The following YWHAZ variants were observed in gnomAD, a reference collection of about 807,000 sequenced individuals.
YWHAZ encodes tyrosine 3-monooxygenase/tryptophan 5-monooxygenase activation protein zeta, also known as 14-3-3 protein zeta/delta.
For synonymous variants in YWHAZ, 87 were observed against 103.6 expected (o/e 0.84, Z 0.97); for missense variants, 79 against 284.8 (o/e 0.28, Z 5.20).
Position 100,924,934 on chromosome 8 carries a change from C to T in YWHAZ, c.400G>A (p.Ala134Thr), listed in dbSNP as rs1316013788. 1.4e-5 allele frequency: 22 copies of T among 1,612,582 alleles called. No homozygotes were observed. Among genetic ancestry groups the T allele is most frequent in the East Asian group, 2.2e-5 (1 of 44,880 alleles). The change falls in exon 3 of 6, where the codon GCT becomes ACT. Residue 134 changes from alanine to threonine, a missense_variant. Physicochemically the swap from Ala to Thr is moderately conservative, Grantham distance 58. Coordinates refer to ENST00000395958, the MANE Select transcript of YWHAZ (RefSeq NM_145690.3). The surrounding 1 kb of genome is among the most constrained non-coding windows in gnomAD (Gnocchi z 5.7). Reference sequence around the variant, plus strand: ...AGCATACCTTTCTTGTCATCACCAGCGGCAACCTCAGCCAAGTAACGGTAG... The same window carrying T: ...AGCATACCTTTCTTGTCATCACCAGTGGCAACCTCAGCCAAGTAACGGTAG... ...DYYRYLAEVA[A>T]GDDKKGIVDQ...
At chr8:100,953,005 CCGAGGTGGGGG>C (rs751103980), upstream of YWHAZ, 592 of 1,000,380 alleles carry the variant, frequency 5.9e-4, no homozygotes, top group Non-Finnish European at 7.0e-4. Flanking sequence ...TGGGTGGGCG[CCGAGGTGGGGG>C]CGAGGTGGGC....
At chr8:100,923,339 G>A (rs903946815) in intron 5 of YWHAZ, 1 of 152,036 alleles carries the variant, frequency 6.6e-6, no homozygotes, top group Non-Finnish European at 1.5e-5. Context: ...CAAATCAACT[G>A]CATTGTGGAC....
chr8:100,939,212 T>C (rs548007597), intron 2 of YWHAZ, among the ~76,000 whole-genome samples: 25 of 152,328 alleles, frequency 1.6e-4, no homozygotes, highest in Non-Finnish European at 3.2e-4. Context: ...AAGCCCCATC[T>C]GTTCTGTTCT....
At chr8:100,952,825 C>A, upstream of YWHAZ, 1 of 1,000,584 alleles carries the variant, frequency 1.0e-6, no homozygotes, top group East Asian at 1.1e-4. Flanking sequence ...CCCTCCCGGC[C>A]TCCCTCCCGC....
chr8:100,941,249 T>C (rs1441267296), intron 2 of YWHAZ, among the ~76,000 whole-genome samples: 1 of 152,236 alleles, frequency 6.6e-6, no homozygotes, highest in African/African-American at 2.4e-5. Flanking sequence ...CTTGGTTGAA[T>C]GTGGTCCAAG....
chr8:100,916,624 G>A lies in YWHAZ; in HGVS notation c.*4069C>T, dbSNP rs1812725869. The A allele has an allele frequency of 6.6e-6, 1 of 152,336 alleles. No individual in the cohort carries two copies. The highest frequency in any genetic ancestry group is 2.1e-4 in the South Asian group (1 of 4,830). 9.4% of individuals were successfully genotyped at this position (152,336 alleles called of 1,614,324 possible). A position where few individuals can be genotyped will look rare whatever the true frequency, so the allele number is the denominator to read the frequency against. On this transcript the variant is annotated 3_prime_UTR_variant, in exon 6 of 6. Transcript: ENST00000395958. The stretch of plus-strand genomic sequence containing the variant: ...GGAATACTAAGAAGTAATCAATTAA[G>A]ACCAGTTAGGTTTGGACTTTCAAGG...
intron 2 of YWHAZ, among the ~76,000 whole-genome samples, chr8:100,936,747 G>A (rs1814174812): frequency 6.6e-6 from 1 of 152,150 alleles, no homozygotes; most frequent in Non-Finnish European, 1.5e-5. Flanking sequence ...GTTGCAAAGT[G>A]AGCCAGGATA....
chr8:100,921,859 T>C (rs1172727513), intron 5 of YWHAZ, among the ~76,000 whole-genome samples: 1 of 152,224 alleles, frequency 6.6e-6, no homozygotes, highest in East Asian at 1.9e-4. Context: ...CAGAGGTAAT[T>C]ACAAAAGGAT....
At position 100,945,904 on chromosome 8, in the gene YWHAZ, A is replaced by G. The variant is rs192408752; in HGVS notation, c.294+2692T>C. On this transcript the variant is annotated intron_variant, in intron 2 of 5. Transcript: ENST00000395958. Reference sequence around the variant, plus strand: ...TTGTTTAACAAATATTTGAGCATCTATTACACGTTGAGTATGCAAAGATCA... The same window carrying G: ...TTGTTTAACAAATATTTGAGCATCTGTTACACGTTGAGTATGCAAAGATCA... Among the ~76,000 whole-genome samples, 538 of 152,260 alleles carry G rather than the reference A, an allele frequency of 3.5e-3. 6 individuals carry two copies. The highest frequency in any genetic ancestry group is 0.012 in the African/African-American group (515 of 41,566).
At chr8:100,920,836 G>A in intron 5 of YWHAZ, 84 bp from the exon 6 acceptor site, 2 of 1,036,278 alleles carry the variant, frequency 1.9e-6, no homozygotes, top group Non-Finnish European at 2.9e-6. Flanking sequence ...CAAGATACCT[G>A]AATGTTTTAG....
chr8:100,928,107 G>A (rs751730728), intron 2 of YWHAZ, among the ~76,000 whole-genome samples: 3 of 152,012 alleles, frequency 2.0e-5, no homozygotes, highest in Admixed American at 6.5e-5. Context: ...GTGAAACCCC[G>A]GTCTCTACTA....
intron 2 of YWHAZ, among the ~76,000 whole-genome samples, chr8:100,947,171 G>A (rs1369446616): frequency 5.3e-5 from 8 of 150,458 alleles, no homozygotes; most frequent in African/African-American, 1.5e-4. Flanking sequence ...GGAGAATGGC[G>A]TGAACCCGGG....
At chr8:100,941,621 C>T (rs565782827) in intron 2 of YWHAZ, among the ~76,000 whole-genome samples, 1 of 152,182 alleles carries the variant, frequency 6.6e-6, no homozygotes, top group South Asian at 2.1e-4. Flanking sequence ...CCCGTCTCTA[C>T]TAAAAATACA....
At chr8:100,927,854 A>G (rs1419443005) in intron 2 of YWHAZ, among the ~76,000 whole-genome samples, 1 of 152,228 alleles carries the variant, frequency 6.6e-6, no homozygotes, top group East Asian at 1.9e-4. Context: ...AAACAACTTT[A>G]AAGCTATTTG....
intron 2 of YWHAZ, among the ~76,000 whole-genome samples, chr8:100,947,011 T>A (rs1381808948): frequency 6.6e-6 from 1 of 151,370 alleles, no homozygotes; most frequent in Non-Finnish European, 1.5e-5. Context: ...CCCAGCACTT[T>A]GGGAGGCTGA....
rs930012630 is a variant in YWHAZ at position 100,951,404 on chromosome 8, G to A, written c.-12+525C>T. On this transcript the variant is annotated intron_variant, in intron 1 of 5. Coordinates refer to ENST00000395958, the MANE Select transcript of YWHAZ (RefSeq NM_145690.3). ...AGCGCCCAGCGCGGAGGCTGCGCGAGGGGGAGGGAAAGGAGGGGGCGGCCG... is the reference window on the plus strand; with the variant it reads ...AGCGCCCAGCGCGGAGGCTGCGCGAAGGGGAGGGAAAGGAGGGGGCGGCCG... 89 of 965,792 alleles carry A rather than the reference G, an allele frequency of 9.2e-5. No homozygotes were observed. The Admixed American group carries it at 1.2e-3, about 13-fold the overall frequency. The allele number at this position is 965,792 out of a possible 1,614,324, so 59.8% of individuals were successfully genotyped here.
Position 100,942,151 on chromosome 8 carries a change from T to A in YWHAZ, c.294+6445A>T, listed in dbSNP as rs1372747627. 3.3e-5 allele frequency among the ~76,000 whole-genome samples: 5 copies of A among 152,310 alleles called. No individual in the cohort carries two copies. The East Asian group carries it at 9.6e-4, about 29-fold the overall frequency. On this transcript the variant is annotated intron_variant, in intron 2 of 5. Transcript: ENST00000395958. ...AAACTTTTTAATAACCTATCCAATGTAAACAAAAGGGCAGGTGTCACACAA... is the reference window on the plus strand; with the variant it reads ...AAACTTTTTAATAACCTATCCAATGAAAACAAAAGGGCAGGTGTCACACAA...
chr8:100,950,657 TG>T (rs1554618210), intron 1 of YWHAZ: 12,190 of 701,042 alleles, frequency 0.017, 12 homozygotes, highest in Non-Finnish European at 0.018. Context: ...GCCCAAGCCG[TG>T]GGGGGGGGGG....
chr8:100,951,977 C>G lies in YWHAZ; in HGVS notation c.-60G>C. On this transcript the variant is annotated 5_prime_UTR_variant, in exon 1 of 6. Transcript: ENST00000395958. The stretch of plus-strand genomic sequence containing the variant: ...GGCGGACGGACGGGCTCAGCAGTCT[C>G]TGGGCGGCGGCGGCGGCAGCAGCGG... 1 of 1,004,520 alleles carries G rather than the reference C, an allele frequency of 1.0e-6. No homozygotes were observed. The highest frequency in any genetic ancestry group is 1.2e-6 in the Non-Finnish European group (1 of 843,226). 62.2% of individuals were successfully genotyped at this position (1,004,520 alleles called of 1,614,324 possible).
Sources: allele counts gnomAD v4.1 joint callset (sites outside exome capture counted in the v4.1 genomes callset), GRCh38; gene constraint gnomAD v4.1.1; non-coding constraint Gnocchi (gnomAD v3.1); transcripts MANE v1.5; gene names NCBI Gene and HGNC (gene_info 2026-07-23, HGNC 2026-07-21).